The following SYCP2L variants were observed in gnomAD, a reference collection of about 807,000 sequenced individuals.
The protein encoded by SYCP2L is synaptonemal complex protein 2-like.
Under a neutral mutation model 125.8 loss-of-function variants are expected in SYCP2L, and 98 were observed. The ratio of observed to expected loss-of-function variants is 0.78; its 90% CI spans 0.66 to 0.92. The LOEUF is 0.92. Ranked by LOEUF, SYCP2L falls within the 40% of genes least tolerant of loss-of-function variation. SYCP2L has a pLI of 0.00. For synonymous variants in SYCP2L, 317 were observed against 325.4 expected, an observed-to-expected ratio of 0.97 and a Z score of 0.28; for missense variants, 842 against 936.4, an observed-to-expected ratio of 0.90 and a Z score of 1.32.
At position 10,906,049 on chromosome 6, in the gene SYCP2L, TG is replaced by T; in HGVS notation, c.674del (p.Gly225ValfsTer16). On this transcript the variant is annotated frameshift_variant, in exon 9 of 30. Transcript: ENST00000283141. LOFTEE classifies it high-confidence loss of function. ...MKDLARTLLT[V>X]GDYDQQVAIS... ...GACCTTGCAAGGACACTCTTGACTG[TG>T]GGTGGTAAGAAATTTTAGAATTTTC... 6.3e-7 allele frequency: 1 copy of T among 1,596,476 alleles called. No individual in the cohort carries two copies. The highest frequency in any genetic ancestry group is 1.1e-5 in the South Asian group (1 of 89,528).
At position 10,891,495 on chromosome 6, in the gene SYCP2L, T is replaced by C; in HGVS notation, c.10-18T>C. 1 of 1,517,234 alleles carries C rather than the reference T, an allele frequency of 6.6e-7. No individual in the cohort carries two copies. The allele number at this position is 1,517,234 out of a possible 1,614,324, so 94.0% of individuals were successfully genotyped here. A position where few individuals can be genotyped will look rare whatever the true frequency, so the allele number is the denominator to read the frequency against. On this transcript the variant is annotated intron_variant, in intron 1 of 29. Transcript: ENST00000283141. ...TTGAAATAAAAATTGTTTAAAAACA[T>C]GTTTTTATTCCACACAGAAAAACAA...
rs1477537439 is a variant in SYCP2L, at chr6:10,966,039, G to C, written c.*37+2196G>C. On this transcript the variant is annotated intron_variant, in intron 29 of 29. Transcript: ENST00000283141. Reference sequence around the variant, plus strand: ...GAGGCAGGAGAATTGCTTGAACCCAGGAGGCAGAGGTTGCAGTGGGCTGAA... The same window carrying C: ...GAGGCAGGAGAATTGCTTGAACCCACGAGGCAGAGGTTGCAGTGGGCTGAA... Among the ~76,000 whole-genome samples the C allele has an allele frequency of 2.0e-5, 3 of 152,290 alleles. No individual in the cohort carries two copies. The East Asian group carries it at 5.8e-4, about 29-fold the overall frequency.
chr6:10,912,793 C>T lies in SYCP2L; in HGVS notation c.1011+28C>T, dbSNP rs764701436. 2 of 1,609,266 alleles carry T rather than the reference C, an allele frequency of 1.2e-6. No individual in the cohort carries two copies. Among genetic ancestry groups the T allele is most frequent in the South Asian group, 2.2e-5 (2 of 90,828 alleles). On this transcript the variant is annotated intron_variant, in intron 13 of 29. Transcript: ENST00000283141. The surrounding 1 kb of genome is among the most constrained non-coding windows in gnomAD (Gnocchi z 4.1). ...AATGATGTTCGATTCTTGGTTAGAACTAAGCCTTTAGAGATCTTTTTTATG... is the reference window on the plus strand; with the variant it reads ...AATGATGTTCGATTCTTGGTTAGAATTAAGCCTTTAGAGATCTTTTTTATG...
intron 8 of SYCP2L, among the ~76,000 whole-genome samples, chr6:10,903,344 C>T (rs1039374438): frequency 2.6e-5 from 4 of 152,098 alleles, no homozygotes; most frequent in African/African-American, 4.8e-5. Context: ...GTCAGGAGAT[C>T]GAGACCATCC....
chr6:10,915,080 T>C (rs962796626), intron 14 of SYCP2L, among the ~76,000 whole-genome samples: 2 of 152,086 alleles, frequency 1.3e-5, no homozygotes, highest in Admixed American at 1.3e-4. Flanking sequence ...TTTTTGCATC[T>C]ATGGTAAAAG....
intron 14 of SYCP2L, among the ~76,000 whole-genome samples, chr6:10,915,580 A>G (rs1413828772): frequency 1.3e-5 from 2 of 152,184 alleles, no homozygotes; most frequent in East Asian, 3.8e-4. Flanking sequence ...TCAGATGATC[A>G]TGTGATTTTT....
chr6:10,920,723 CTTT>C (rs1780783080), intron 14 of SYCP2L, among the ~76,000 whole-genome samples: 1 of 146,556 alleles, frequency 6.8e-6, no homozygotes, highest in African/African-American at 2.6e-5. Context: ...ACATAGGTAA[CTTT>C]TAAGTTAATG....
chr6:10,898,452 A>G lies in SYCP2L; in HGVS notation c.441+337A>G, dbSNP rs893336339. Among the ~76,000 whole-genome samples, 12 of 152,144 alleles carry G rather than the reference A, an allele frequency of 7.9e-5. 1 individual carries two copies. Among genetic ancestry groups the G allele is most frequent in the African/African-American group, 2.4e-4 (10 of 41,454 alleles). ...CGCTTGAACCTGGGAGGCGGAGCTT[A>G]TATAGTGAGCCGAGACCACGCGATT... is the stretch of plus-strand genomic sequence containing the variant. On this transcript the variant is annotated intron_variant, in intron 5 of 29. Coordinates refer to ENST00000283141, the MANE Select transcript of SYCP2L (RefSeq NM_001040274.3).
chr6:10,971,083 T>A (rs1378900846), intron 29 of SYCP2L, among the ~76,000 whole-genome samples: 1 of 152,220 alleles, frequency 6.6e-6, no homozygotes, highest in African/African-American at 2.4e-5. Flanking sequence ...ATGGATGTTC[T>A]AGAAATGTCA....
intron 12 of SYCP2L, among the ~76,000 whole-genome samples, chr6:10,911,766 A>C (rs1421994531): frequency 6.6e-6 from 1 of 151,948 alleles, no homozygotes; most frequent in Admixed American, 6.6e-5. Flanking sequence ...GCCCTCATTC[A>C]CCTCTGTAGC....
intron 20 of SYCP2L, among the ~76,000 whole-genome samples, chr6:10,932,519 A>G (rs1781013654): frequency 6.6e-6 from 1 of 152,108 alleles, no homozygotes; most frequent in African/African-American, 2.4e-5. Flanking sequence ...GGTTTTAATC[A>G]CATCTTCATC....
chr6:10,902,822 C>T (rs1329378550), intron 7 of SYCP2L, 53 bp from the exon 8 acceptor site: 1 of 1,609,082 alleles, frequency 6.2e-7, no homozygotes, highest in Non-Finnish European at 8.5e-7. Context: ...GAAGATCGTA[C>T]ATAGGTCTCT....
intron 14 of SYCP2L, among the ~76,000 whole-genome samples, chr6:10,924,113 CAGAGAG>C (rs373482523): frequency 5.3e-5 from 8 of 151,692 alleles, no homozygotes; most frequent in African/African-American, 1.9e-4. Context: ...AGTAGAATTT[CAGAGAG>C]AGAGAGAGTG....
intron 14 of SYCP2L, chr6:10,922,731 G>A (rs2113342275): frequency 6.6e-6 from 1 of 152,212 alleles, no homozygotes; most frequent in Non-Finnish European, 1.5e-5. Context: ...GGCAAGATTA[G>A]TATTTTGGGG....
intron 23 of SYCP2L, among the ~76,000 whole-genome samples, chr6:10,943,094 A>G (rs1781252537): frequency 1.3e-5 from 2 of 152,148 alleles, no homozygotes; most frequent in South Asian, 2.1e-4. Flanking sequence ...ATTCTCAAGC[A>G]TGTAGGTCAC....
chr6:10,944,106 C>T (rs1354296098), intron 23 of SYCP2L, among the ~76,000 whole-genome samples: 1 of 152,156 alleles, frequency 6.6e-6, no homozygotes. Flanking sequence ...ATACCTTTAA[C>T]AATTTTACAT....
At chr6:10,919,650 C>A (rs1017816146) in intron 14 of SYCP2L, among the ~76,000 whole-genome samples, 7 of 151,934 alleles carry the variant, frequency 4.6e-5, no homozygotes, top group African/African-American at 2.4e-5. Flanking sequence ...AGAGTATATT[C>A]CCTTAGTCTT....
At chr6:10,926,749 G>C (rs1780904156) in intron 16 of SYCP2L, among the ~76,000 whole-genome samples, 1 of 151,656 alleles carries the variant, frequency 6.6e-6, no homozygotes, top group Non-Finnish European at 1.5e-5. Context: ...ATGCCCCAAG[G>C]CTGTTTTCCC....
At position 10,894,161 on chromosome 6, in the gene SYCP2L, A is replaced by G. The variant is rs948226838; in HGVS notation, c.293A>G (p.Lys98Arg). ...CAGCGATTCCTCGTAGATGGCCTGA[A>G]AGAAGATGAACCTCTGCTAATTCGG... ...CIQRFLVDGL[K>R]EDEPLLIRQG... is the part of the protein sequence containing the mutation. The change falls in exon 4 of 30, where the codon AAA becomes AGA. Residue 98 changes from lysine to arginine, a missense_variant. Physicochemically the swap from Lys to Arg is conservative, Grantham distance 26 (BLOSUM62 2). Transcript: ENST00000283141. 1.4e-5 allele frequency: 22 copies of G among 1,613,474 alleles called. No individual in the cohort carries two copies. Among genetic ancestry groups the G allele is most frequent in the Non-Finnish European group, 1.8e-5 (21 of 1,179,908 alleles).
Sources: gnomAD v4.1 joint callset for allele counts (sites outside exome capture counted in the v4.1 genomes callset) on GRCh38, gnomAD v4.1.1 for gene constraint, Gnocchi (gnomAD v3.1) non-coding constraint, MANE v1.5 for transcripts, NCBI Gene and HGNC (gene_info 2026-07-23, HGNC 2026-07-21) for gene names.